Variants in DNASE1 observed in about 807,000 individuals in gnomAD.
The protein encoded by DNASE1 is deoxyribonuclease 1, also known as deoxyribonuclease-1.
A neutral mutation model predicts 33.9 loss-of-function variants in DNASE1; 40 were observed. That is an observed-to-expected ratio of 1.18 (90% CI 0.92 to 1.54). The LOEUF is 1.54. DNASE1 is among the 40% of genes most tolerant of loss of function. The pLI is 0.00. For missense variants in DNASE1, 518 were observed against 372.6 expected (o/e 1.39, Z -3.21); for synonymous variants, 216 against 160.0 (o/e 1.35, Z -2.64).
intron 4 of DNASE1, 81 bp downstream of exon 4, chr16:3,656,266 GTTTGT>G: frequency 6.8e-7 from 1 of 1,460,416 alleles, no homozygotes; most frequent in Admixed American, 1.7e-5. Context: ...TGTCCTATTA[GTTTGT>G]CCTATGGCAA....
downstream of DNASE1, chr16:3,658,791 A>G (rs1325445961): frequency 4.3e-6 from 7 of 1,613,388 alleles, no homozygotes; most frequent in Non-Finnish European, 5.9e-6. Flanking sequence ...TGCTGCACTC[A>G]CCTGATCCAC....
chr16:3,657,252 C>T lies in DNASE1; in HGVS notation c.615C>T (p.Ser205=), dbSNP rs762560761. 15 of 1,613,894 alleles carry T rather than the reference C, an allele frequency of 9.3e-6. No homozygotes were observed. In the African/African-American group the frequency reaches 1.2e-4, roughly 13 times the overall value. The change falls in exon 7 of 9, where the codon TCC becomes TCT. Residue 205 remains serine, a synonymous_variant. Transcript: ENST00000246949. ...ATGTGAGACCCTCCCAGTGGTCATC[C>T]ATCCGCCTGTGGACAAGCCCCACCT... is the stretch of plus-strand genomic sequence containing the variant. ...CSYVRPSQWS[S]IRLWTSPTFQ... is the part of the protein sequence containing the mutation.
At chr16:3,624,825 A>G (rs1443740549) in intron 1 of DNASE1, among the ~76,000 whole-genome samples, 1 of 152,096 alleles carries the variant, frequency 6.6e-6, no homozygotes, top group Non-Finnish European at 1.5e-5. Flanking sequence ...TGTAGCTGAG[A>G]ATATAGGTTT....
intron 1 of DNASE1, among the ~76,000 whole-genome samples, chr16:3,636,595 G>A (rs1709685051): frequency 6.6e-6 from 1 of 152,166 alleles, no homozygotes; most frequent in Non-Finnish European, 1.5e-5. Context: ...GCTGAGCGGG[G>A]AGGATCGCTT....
At position 3,647,871 on chromosome 16, in the gene DNASE1, A is replaced by T. The variant is rs751290540; in HGVS notation, c.-86+4835A>T. 1.7e-3 allele frequency among the ~76,000 whole-genome samples: 252 copies of T among 151,720 alleles called. 1 individual carries two copies. Among genetic ancestry groups the T allele is most frequent in the Non-Finnish European group, 2.0e-3 (138 of 67,816 alleles). On this transcript the variant is annotated intron_variant, in intron 1 of 9. Coordinates refer to the DNASE1 transcript ENST00000407479. ...CCAAAAAAGAACAATTTTTTTTTTT[A>T]AATTAGCCAGGTGTGGCTGGGTGCA...
At chr16:3,653,826 A>AAAC (rs2042427618), upstream of DNASE1, 2 of 144,908 alleles carry the variant, frequency 1.4e-5, no homozygotes, top group African/African-American at 5.3e-5. Context: ...AAAAAAAAAA[A>AAAC]AAAAAAAAAA....
At chr16:3,637,605 A>C (rs966174362) in intron 1 of DNASE1, among the ~76,000 whole-genome samples, 1 of 152,198 alleles carries the variant, frequency 6.6e-6, no homozygotes, top group Non-Finnish European at 1.5e-5. Context: ...GGATCTTATA[A>C]AACCTAATTA....
chr16:3,648,168 C>A (rs1295737647), intron 1 of DNASE1, among the ~76,000 whole-genome samples: 3 of 152,132 alleles, frequency 2.0e-5, no homozygotes, highest in African/African-American at 7.2e-5. Context: ...GAACCTGTCT[C>A]AAAAGAAAAC....
chr16:3,664,935 C>T lies in DNASE1; in HGVS notation c.*6982C>T, dbSNP rs1317475134. 4 of 157,878 alleles carry T rather than the reference C, an allele frequency of 2.5e-5. No individual in the cohort carries two copies. The Admixed American group carries it at 2.6e-4, about 10-fold the overall frequency. 9.8% of individuals were successfully genotyped at this position (157,878 alleles called of 1,614,324 possible). A position where few individuals can be genotyped will look rare whatever the true frequency, so the allele number is the denominator to read the frequency against. On this transcript the variant is annotated 3_prime_UTR_variant, in exon 10 of 10. Coordinates refer to the DNASE1 transcript ENST00000407479. ...AAGGGCCCTTAGGGGAGGGGTTTGC[C>T]CTCCTCCCCATCAGCTGAACGCAGC... is the stretch of plus-strand genomic sequence containing the variant.
intron 1 of DNASE1, among the ~76,000 whole-genome samples, chr16:3,622,328 A>C (rs113203360): frequency 2.3e-4 from 35 of 151,332 alleles, no homozygotes; most frequent in African/African-American, 8.0e-4. Flanking sequence ...TTTGTCTTTT[A>C]CTATTTCAGC....
upstream of DNASE1, among the ~76,000 whole-genome samples, chr16:3,639,048 T>G (rs1299268848): frequency 6.6e-6 from 1 of 152,244 alleles, no homozygotes; most frequent in African/African-American, 2.4e-5. Flanking sequence ...TTCCTTTATC[T>G]CTGTCGTTTC....
chr16:3,664,407 T>G (rs1357593357), exon 10 of DNASE1: 1 of 1,611,224 alleles, frequency 6.2e-7, no homozygotes, highest in African/African-American at 1.3e-5. Flanking sequence ...GCTGGTTAGC[T>G]GCCCGGAGGG....
downstream of DNASE1, chr16:3,663,032 C>T (rs2151241040): frequency 7.6e-7 from 1 of 1,311,460 alleles, no homozygotes; most frequent in Non-Finnish European, 1.1e-6. Context: ...CCATGGGGGC[C>T]ACGCAGCATG....
rs755878799 is a variant in DNASE1, at chr16:3,657,775, C to T, written c.760C>T (p.Pro254Ser). Residue 254 changes from proline to serine, a missense_variant, in exon 8 of 9, where the codon CCC (proline) becomes TCC (serine). Physicochemically the swap from Pro to Ser is moderately conservative, Grantham distance 74. Coordinates refer to ENST00000246949, the MANE Select transcript of DNASE1 (RefSeq NM_005223.4). ...CGCCGTTGTTCCCGACTCGGCTCTT[C>T]CCTTTAACTTCCAGGCTGCCTATGG... The part of the protein sequence containing the change: ...RGAVVPDSAL[P>S]FNFQAAYGLS... 5 of 1,614,056 alleles carry T rather than the reference C, an allele frequency of 3.1e-6. No individual in the cohort carries two copies. Among genetic ancestry groups the T allele is most frequent in the Non-Finnish European group, 2.5e-6 (3 of 1,179,996 alleles).
downstream of DNASE1, chr16:3,658,334 G>A: frequency 1.1e-6 from 1 of 918,516 alleles, no homozygotes; most frequent in Non-Finnish European, 1.7e-6. Context: ...GAGTGCAGAG[G>A]CACGATCTCG....
intron 1 of DNASE1, among the ~76,000 whole-genome samples, chr16:3,643,637 A>G (rs2042085307): frequency 6.6e-6 from 1 of 152,248 alleles, no homozygotes; most frequent in African/African-American, 2.4e-5. Context: ...GAAGGCAACC[A>G]GGTACACTGG....
At position 3,655,306 on chromosome 16, in the gene DNASE1, G is replaced by C. The variant is rs575682085; in HGVS notation, c.-1-67G>C. On this transcript the variant is annotated intron_variant, in intron 1 of 8. Coordinates refer to ENST00000246949, the MANE Select transcript of DNASE1 (RefSeq NM_005223.4). ...AGCCCCTGCCAGCTGGGCTCCAGAA[G>C]GCTGGAGTGCTGTGGCAGGGATGAC... 67 of 1,604,588 alleles carry C rather than the reference G, an allele frequency of 4.2e-5. 1 individual carries two copies. The South Asian group carries it at 7.2e-4, about 17-fold the overall frequency.
chr16:3,645,249 C>G (rs1401136596), intron 1 of DNASE1, among the ~76,000 whole-genome samples: 3 of 152,206 alleles, frequency 2.0e-5, no homozygotes, highest in African/African-American at 4.8e-5. Context: ...CTTTTCCTTT[C>G]TGTGGCCCCC....
intron 4 of DNASE1, 89 bp downstream of exon 4, chr16:3,656,274 T>C: frequency 7.2e-7 from 1 of 1,392,120 alleles, no homozygotes; most frequent in Non-Finnish European, 1.0e-6. Context: ...TAGTTTGTCC[T>C]ATGGCAAGAA....
Sources: gnomAD v4.1 joint callset for allele counts (sites outside exome capture counted in the v4.1 genomes callset) on GRCh38, gnomAD v4.1.1 for gene constraint, MANE v1.5 for transcripts, NCBI Gene and HGNC (gene_info 2026-07-23, HGNC 2026-07-21) for gene names.